PCGF3: variants seen among roughly 807,000 people sequenced by gnomAD.
The protein encoded by PCGF3 is polycomb group ring finger 3.
In PCGF3, 7 loss-of-function variants were observed where a neutral mutation model predicts 33.1. That is an observed-to-expected ratio of 0.21 (90% confidence interval 0.12 to 0.40). The LOEUF is 0.40. Ranked by LOEUF, PCGF3 falls within the 10% of genes least tolerant of loss-of-function variation. The pLI, the probability that PCGF3 is intolerant of heterozygous loss-of-function variation, is 1.00. For synonymous variants in PCGF3, 153 were observed against 121.3 expected, an observed-to-expected ratio of 1.26 and a Z score of -1.72; for missense variants, 211 against 313.3, an observed-to-expected ratio of 0.67 and a Z score of 2.46.
At chr4:725,794 GC>G (rs991539939) in intron 1 of PCGF3, among the ~76,000 whole-genome samples, 3 of 152,114 alleles carry the variant, frequency 2.0e-5, no homozygotes, top group South Asian at 2.1e-4. Context: ...CCGAGTCGCT[GC>G]CCCTCCTGTC....
Position 737,538 on chromosome 4 carries a change from C to T in PCGF3, c.262+17C>T, listed in dbSNP as rs1743887681. 4 of 1,558,368 alleles carry T rather than the reference C, an allele frequency of 2.6e-6. No homozygotes were observed. Among genetic ancestry groups the T allele is most frequent in the Non-Finnish European group, 2.7e-6 (3 of 1,129,438 alleles). On this transcript the variant is annotated intron_variant, in intron 6 of 10. Transcript: ENST00000362003. Reference sequence around the variant, plus strand: ...TCCAAGAAGGTGAGTGTCTGACTGTCTTGCTGATCCCTGAGGTCCCAGCCT... The same window carrying T: ...TCCAAGAAGGTGAGTGTCTGACTGTTTTGCTGATCCCTGAGGTCCCAGCCT...
At chr4:718,253 G>T (rs1394929830) in intron 1 of PCGF3, among the ~76,000 whole-genome samples, 2 of 152,058 alleles carry the variant, frequency 1.3e-5, no homozygotes, top group Non-Finnish European at 2.9e-5. Context: ...GAGTCGGGGG[G>T]TCTGTGGGGT....
At chr4:753,804 C>T (rs4690193) in intron 8 of PCGF3, among the ~76,000 whole-genome samples, 26,152 of 151,786 alleles carry the variant, frequency 0.17, 2,446 homozygotes, top group East Asian at 0.26. Context: ...AAAAATTAGC[C>T]GGGCATGGTG....
chr4:754,034 T>C (rs1744655169), intron 8 of PCGF3, among the ~76,000 whole-genome samples: 1 of 152,134 alleles, frequency 6.6e-6, no homozygotes, highest in Non-Finnish European at 1.5e-5. Flanking sequence ...TCTTTGGTGG[T>C]CCTGGCACCC....
intron 1 of PCGF3, chr4:723,613 G>A (rs1743207012): frequency 6.5e-6 from 1 of 153,118 alleles, no homozygotes; most frequent in Non-Finnish European, 1.5e-5. Context: ...CTGGTTGTGT[G>A]GGGCAGGGTC....
intron 3 of PCGF3, chr4:732,364 C>T (rs933019762): frequency 8.3e-5 from 13 of 156,916 alleles, no homozygotes; most frequent in African/African-American, 2.9e-4. Flanking sequence ...CCCCTCCCCT[C>T]CCTTCTCCTT....
At chr4:750,874 G>A (rs537657765) in intron 8 of PCGF3, among the ~76,000 whole-genome samples, 3 of 151,480 alleles carry the variant, frequency 2.0e-5, no homozygotes, top group East Asian at 1.9e-4. Flanking sequence ...GTGTGTTTTC[G>A]CTCTAACCCC....
chr4:726,791 C>T (rs1021374550), intron 1 of PCGF3, among the ~76,000 whole-genome samples: 2 of 151,522 alleles, frequency 1.3e-5, no homozygotes, highest in African/African-American at 4.8e-5. Context: ...TTCTAAGATA[C>T]ACACTAAAAT....
At chr4:744,642 A>C (rs1208129740) in exon 8 of PCGF3, 1 of 1,562,080 alleles carries the variant, frequency 6.4e-7, no homozygotes, top group Non-Finnish European at 8.7e-7. Flanking sequence ...GAGGCCGCGG[A>C]GGAGAAGCCG....
At chr4:753,297 A>C (rs888890584) in intron 8 of PCGF3, among the ~76,000 whole-genome samples, 5 of 152,040 alleles carry the variant, frequency 3.3e-5, no homozygotes, top group South Asian at 2.1e-4. Context: ...GCTTCTCCCA[A>C]CTCAGCCTCC....
intron 9 of PCGF3, chr4:761,979 G>A (rs909852026): frequency 3.2e-5 from 32 of 985,220 alleles, no homozygotes; most frequent in South Asian, 9.4e-5. Context: ...TTTGAAAATC[G>A]CTCAGGCTGT....
chr4:706,801 C>T (rs1742326193), intron 1 of PCGF3, among the ~76,000 whole-genome samples: 1 of 135,078 alleles, frequency 7.4e-6, no homozygotes, highest in Admixed American at 7.1e-5. Context: ...GGGCGAAGAC[C>T]CCAGCCCAGG....
At chr4:755,904 CTTTTTTTTTTTT>C (rs570528684) in intron 8 of PCGF3, among the ~76,000 whole-genome samples, 86 of 87,204 alleles carry the variant, frequency 9.9e-4, no homozygotes, top group African/African-American at 4.5e-3. Flanking sequence ...CAGAATTGTC[CTTTTTTTTTTTT>C]TTTTTTTTTT....
intron 1 of PCGF3, among the ~76,000 whole-genome samples, chr4:706,737 C>G (rs1167502324): frequency 8.4e-6 from 1 of 118,494 alleles, no homozygotes; most frequent in African/African-American, 3.4e-5. Flanking sequence ...GCGACCCCAG[C>G]CCAGGCAGGA....
At chr4:763,444 G>A (rs758631154) in intron 9 of PCGF3, among the ~76,000 whole-genome samples, 5 of 152,214 alleles carry the variant, frequency 3.3e-5, no homozygotes, top group Non-Finnish European at 7.3e-5. Flanking sequence ...TCAGGCAGGT[G>A]GGGCTGCTTC....
intron 8 of PCGF3, among the ~76,000 whole-genome samples, chr4:748,870 G>A (rs554305838): frequency 4.2e-4 from 64 of 152,182 alleles, no homozygotes; most frequent in African/African-American, 1.5e-3. Context: ...GTTCCCCAGT[G>A]GTGAGGAACC....
intron 9 of PCGF3, chr4:764,668 C>T (rs576176344): frequency 1.8e-5 from 5 of 284,254 alleles, no homozygotes; most frequent in Non-Finnish European, 3.4e-5. Flanking sequence ...GGATGGGAGC[C>T]CACCACTGCA....
intron 8 of PCGF3, chr4:757,324 C>G (rs1457650709): frequency 6.6e-6 from 1 of 152,384 alleles, no homozygotes; most frequent in East Asian, 1.9e-4. Context: ...CACACCTGTT[C>G]CCTGAGTCGG....
chr4:743,153 T>C (rs965334009), intron 6 of PCGF3, among the ~76,000 whole-genome samples: 29 of 152,122 alleles, frequency 1.9e-4, no homozygotes, highest in Admixed American at 6.5e-5. Flanking sequence ...TTCTGCGCCA[T>C]TGGACACTCA....
Sources: allele counts gnomAD v4.1 joint callset (sites outside exome capture counted in the v4.1 genomes callset), GRCh38; gene constraint gnomAD v4.1.1; transcripts MANE v1.5; gene names NCBI Gene and HGNC (gene_info 2026-07-23, HGNC 2026-07-21).